The following ITIH4 variants were observed in gnomAD, a reference collection of about 807,000 sequenced individuals.
The protein encoded by ITIH4 is inter-alpha-trypsin inhibitor heavy chain H4.
ITIH4 carries 79 observed loss-of-function variants against 111.8 expected under a neutral mutation model. The observed-to-expected ratio is 0.71, with a 90% CI of 0.59 to 0.85. The LOEUF (loss-of-function observed/expected upper bound fraction) is 0.85, where lower values mean the gene tolerates loss of function less well. Ranked by LOEUF, ITIH4 falls within the 40% of genes least tolerant of loss-of-function variation. ITIH4 has a pLI of 0.00. For synonymous variants in ITIH4, 472 were observed against 468.3 expected, an observed-to-expected ratio of 1.01 and a Z score of -0.10; for missense variants, 1,065 against 1,195.8, an observed-to-expected ratio of 0.89 and a Z score of 1.61.
chr3:52,822,749 C>T (rs1700407748), intron 11 of ITIH4, among the ~76,000 whole-genome samples: 1 of 152,156 alleles, frequency 6.6e-6, no homozygotes, highest in African/African-American at 2.4e-5. Context: ...AGGCCATGGG[C>T]CCCCAACGCC....
rs377364853 is a variant in ITIH4 at position 52,826,909 on chromosome 3, A to T, written c.401T>A (p.Val134Glu). The change falls in exon 4 of 24, where the codon GTG becomes GAG. Residue 134 changes from valine (V) to glutamate (E), a missense_variant. Coordinates refer to ENST00000266041, the MANE Select transcript of ITIH4 (RefSeq NM_002218.5). ...AAAGGTGATCTTGGCATTGGGAGCCACACTGACCGACACCTGGAACTGCTC... is the reference window on the plus strand; with the variant it reads ...AAAGGTGATCTTGGCATTGGGAGCCTCACTGACCGACACCTGGAACTGCTC... ...NMEQFQVSVS[V>E]APNAKITFEL... 2 of 1,613,988 alleles carry T rather than the reference A, an allele frequency of 1.2e-6. No individual in the cohort carries two copies. The highest frequency in any genetic ancestry group is 2.7e-5 in the African/African-American group (2 of 74,916).
rs781178627 is a variant in ITIH4, at chr3:52,823,564, C to T, written c.1531G>A (p.Gly511Arg). 1 of 1,606,822 alleles carries T rather than the reference C, an allele frequency of 6.2e-7. No individual in the cohort carries two copies. The highest frequency in any genetic ancestry group is 1.3e-5 in the African/African-American group (1 of 74,860). ...GCTTTGGCCACACTCACCAGCTTCC[C>T]ACTGACTGTGGCTGTGAGCACATCA... ...GPDVLTATVS[G>R]KLPTQNITFQ... Residue 511 changes from glycine (G) to arginine (R), a missense_variant, in exon 11 of 24, where the codon GGG becomes AGG. Physicochemically the swap from Gly to Arg is moderately radical, Grantham distance 125 (BLOSUM62 -2). Coordinates refer to ENST00000266041, the MANE Select transcript of ITIH4 (RefSeq NM_002218.5).
chr3:52,817,951 G>A, intron 20 of ITIH4, 101 bp downstream of exon 20: 2 of 883,564 alleles, frequency 2.3e-6, no homozygotes, highest in East Asian at 2.4e-5. Flanking sequence ...TCTGGGAGGG[G>A]CCTGTGTGGG....
In ITIH4 at chr3:52,824,540, A is replaced by G; in HGVS notation, c.902T>C (p.Leu301Pro). The change falls in exon 8 of 24, where the codon CTG (leucine) becomes CCG (proline). Residue 301 changes from leucine (L) to proline (P), a missense_variant. Physicochemically the swap from Leu to Pro is moderately conservative, Grantham distance 98 (BLOSUM62 -3). Transcript: ENST00000266041. The surrounding 1 kb of genome is among the most constrained non-coding windows in gnomAD (Gnocchi z 4.3). ...QQTREALIKI[L>P]DDLSPRDQFN... ...CTGGTCTCTGGGGCTGAGGTCATCC[A>G]GGATCTTGATTAGGGCTTCCCGGGT... 2 of 1,613,540 alleles carry G rather than the reference A, an allele frequency of 1.2e-6. No homozygotes were observed. Among genetic ancestry groups the G allele is most frequent in the African/African-American group, 1.3e-5 (1 of 75,056 alleles).
intron 13 of ITIH4, 137 bp downstream of exon 13, chr3:52,820,494 G>A: frequency 3.3e-6 from 4 of 1,212,804 alleles, no homozygotes; most frequent in Non-Finnish European, 4.7e-6. Flanking sequence ...TTCCTCATCA[G>A]TGAATAGGCT....
At chr3:52,819,884 G>C (rs761702468) in intron 15 of ITIH4, 56 bp downstream of exon 15, 16 of 1,605,892 alleles carry the variant, frequency 1.0e-5, no homozygotes, top group Non-Finnish European at 1.4e-5. Context: ...ACCCTCCACA[G>C]CCAGGACTGA....
chr3:52,823,786 C>T, intron 10 of ITIH4, 37 bp downstream of exon 10: 1 of 1,613,768 alleles, frequency 6.2e-7, no homozygotes, highest in Non-Finnish European at 8.5e-7. Flanking sequence ...TATGACTGCC[C>T]ACTTCTCTGT....
intron 1 of ITIH4, 41 bp downstream of exon 1, chr3:52,830,512 C>T: frequency 6.3e-7 from 1 of 1,584,956 alleles, no homozygotes; most frequent in South Asian, 1.1e-5. Context: ...CAGGCGTTCT[C>T]TCATCCCCCA....
chr3:52,828,829 C>T (rs969882393), intron 2 of ITIH4, among the ~76,000 whole-genome samples: 4 of 152,146 alleles, frequency 2.6e-5, no homozygotes, highest in African/African-American at 9.7e-5. Context: ...CAGGAGGCCT[C>T]AAGTCTGTGC....
In ITIH4 at chr3:52,814,243, A is replaced by G. The variant is rs1485955291; in HGVS notation, c.2592T>C (p.Thr864=). Residue 864 remains threonine, a synonymous_variant, in exon 22 of 24, where the codon ACT becomes ACC. Coordinates refer to ENST00000266041, the MANE Select transcript of ITIH4 (RefSeq NM_002218.5). The part of the protein sequence containing the change: ...GEGLRLLLRD[T]DRFSSHVGGT... ...CTCCAACGTGGCTGGAGAAGCGGTC[A>G]GTGTCACGCAGAAGGAGCCGGAGCC... 1 of 1,613,582 alleles carries G rather than the reference A, an allele frequency of 6.2e-7. No individual in the cohort carries two copies. Among genetic ancestry groups the G allele is most frequent in the African/African-American group, 1.3e-5 (1 of 74,938 alleles).
In ITIH4 at chr3:52,824,681, G is replaced by T; in HGVS notation, c.877-116C>A. The T allele has an allele frequency of 7.6e-7, 1 of 1,319,120 alleles. No individual in the cohort carries two copies. Among genetic ancestry groups the T allele is most frequent in the Admixed American group, 2.0e-5 (1 of 48,900 alleles). The allele number at this position is 1,319,120 out of a possible 1,614,324, so 81.7% of individuals were successfully genotyped here. A position where few individuals can be genotyped will look rare whatever the true frequency, so the allele number is the denominator to read the frequency against. The stretch of plus-strand genomic sequence containing the variant: ...GGGTGAGGTCATGGTATCTGCTCTA[G>T]GAACAGGGGCTGCCCTAGGCTCTGG... On this transcript the variant is annotated intron_variant, in intron 7 of 23. Transcript: ENST00000266041. This position sits in a 1 kb window ranked among gnomAD's most constrained non-coding sequence, Gnocchi z 4.3.
At chr3:52,817,360 G>A (rs572910498) in intron 20 of ITIH4, among the ~76,000 whole-genome samples, 1 of 152,242 alleles carries the variant, frequency 6.6e-6, no homozygotes, top group Non-Finnish European at 1.5e-5. Flanking sequence ...ACGCCCCATG[G>A]AGCGCCTGGC....
intron 2 of ITIH4, among the ~76,000 whole-genome samples, 184 bp from the exon 3 acceptor site, chr3:52,827,381 C>A (rs971226785): frequency 5.3e-5 from 8 of 152,248 alleles, no homozygotes; most frequent in African/African-American, 1.9e-4. Context: ...GGGCACTCTG[C>A]AAAGTGCTCC....
rs778577277 is a variant in ITIH4 at position 52,829,277 on chromosome 3, A to G, written c.93T>C (p.Asn31=). ...AIHQTTTAEK[N]GIDIYSLTVD... is the part of the protein sequence containing the mutation. ...CGGTGAGGCTGTAGATGTCGATGCC[A>G]TTCTGGACCAGCAAAGAAGAAGGGG... Residue 31 remains asparagine (N), a splice_region_variant and synonymous_variant, in exon 2 of 24, where the codon AAT becomes AAC. Coordinates refer to ENST00000266041, the MANE Select transcript of ITIH4 (RefSeq NM_002218.5). 6.2e-7 allele frequency: 1 copy of G among 1,601,998 alleles called. No homozygotes were observed. The highest frequency in any genetic ancestry group is 8.5e-7 in the Non-Finnish European group (1 of 1,170,212).
At position 52,829,291 on chromosome 3, in the gene ITIH4, A is replaced by C. The variant is rs1471192346; in HGVS notation, c.91-12T>G. 1.3e-6 allele frequency: 2 copies of C among 1,597,054 alleles called. No homozygotes were observed. Among genetic ancestry groups the C allele is most frequent in the South Asian group, 2.2e-5 (2 of 90,376 alleles). The stretch of plus-strand genomic sequence containing the variant: ...ATGTCGATGCCATTCTGGACCAGCA[A>C]AGAAGAAGGGGGTTGCAGGGTTTCA... On this transcript the variant is annotated splice_polypyrimidine_tract_variant and intron_variant, in intron 1 of 23. Transcript: ENST00000266041.
At position 52,826,704 on chromosome 3, in the gene ITIH4, A is replaced by C. The variant is rs1014652010; in HGVS notation, c.520-53T>G. 1.3e-4 allele frequency: 211 copies of C among 1,610,868 alleles called. 1 individual carries two copies. The highest frequency in any genetic ancestry group is 1.8e-4 in the Non-Finnish European group (208 of 1,177,484). On this transcript the variant is annotated intron_variant, in intron 4 of 23. Coordinates refer to ENST00000266041, the MANE Select transcript of ITIH4 (RefSeq NM_002218.5). Reference sequence around the variant, plus strand: ...CAGCCAGGAGCCTGGGCTGGGGCTCACAGGAGGCTCAGGGACAAAGAGGGG... The same window carrying C: ...CAGCCAGGAGCCTGGGCTGGGGCTCCCAGGAGGCTCAGGGACAAAGAGGGG...
intron 6 of ITIH4, 106 bp downstream of exon 6, chr3:52,825,780 C>A: frequency 7.6e-7 from 1 of 1,314,106 alleles, no homozygotes; most frequent in Admixed American, 2.3e-5. Flanking sequence ...CTGGTGCACA[C>A]TGCTAAGTAA....
intron 13 of ITIH4, 140 bp downstream of exon 13, chr3:52,820,491 T>G: frequency 8.4e-7 from 1 of 1,188,938 alleles, no homozygotes. Flanking sequence ...ACTTTCCTCA[T>G]CAGTGAATAG....
chr3:52,816,832 C>T, intron 21 of ITIH4, 52 bp downstream of exon 21: 2 of 1,551,056 alleles, frequency 1.3e-6, no homozygotes, highest in South Asian at 2.4e-5. Flanking sequence ...CATCATCAGC[C>T]ACTGTAGCCT....
Sources: allele counts gnomAD v4.1 joint callset (sites outside exome capture counted in the v4.1 genomes callset), GRCh38; gene constraint gnomAD v4.1.1; non-coding constraint Gnocchi (gnomAD v3.1); transcripts MANE v1.5; gene names NCBI Gene and HGNC (gene_info 2026-07-23, HGNC 2026-07-21).